The following CSMD2 variants were observed in gnomAD, a reference collection of about 807,000 sequenced individuals.
CSMD2 encodes the protein CUB and sushi domain-containing protein 2.
In CSMD2, 130 loss-of-function variants were observed where a neutral mutation model predicts 398.5. That is an observed-to-expected ratio of 0.33 (90% CI 0.28 to 0.38). CSMD2 has a LOEUF of 0.38. Among genes scored for constraint, CSMD2 ranks in the 10% least tolerant of loss-of-function variants. The pLI, the probability that CSMD2 is intolerant of heterozygous loss-of-function variation, is 1.00. For missense variants in CSMD2, 3,829 were observed against 4,764.9 expected (o/e 0.80, Z 5.78); for synonymous variants, 1,828 against 1,908.5 (o/e 0.96, Z 1.10).
intron 1 of CSMD2, among the ~76,000 whole-genome samples, chr1:34,146,800 G>T (rs974601129): frequency 2.6e-5 from 4 of 152,124 alleles, no homozygotes; most frequent in Non-Finnish European, 5.9e-5. Context: ...AAAGTTTCTG[G>T]GGGTGGGAGA....
At chr1:33,757,424 A>G (rs191932091) in intron 13 of CSMD2, among the ~76,000 whole-genome samples, 1 of 152,196 alleles carries the variant, frequency 6.6e-6, no homozygotes, top group African/African-American at 2.4e-5. Context: ...AAGGTTCCCC[A>G]AACTTGGTTC....
intron 2 of CSMD2, among the ~76,000 whole-genome samples, chr1:34,067,285 G>T (rs1228687192): frequency 6.6e-6 from 1 of 152,166 alleles, no homozygotes; most frequent in Non-Finnish European, 1.5e-5. Flanking sequence ...AGCATTATTT[G>T]CAAATGATAA....
At chr1:33,586,735 T>C (rs1639104525) in intron 45 of CSMD2, 118 bp from the exon 46 acceptor site, 1 of 672,058 alleles carries the variant, frequency 1.5e-6, no homozygotes, top group South Asian at 1.7e-5. Flanking sequence ...CTTAAATAAC[T>C]AGCTCAGCTC....
chr1:33,998,455 G>A (rs1646795492), intron 3 of CSMD2, among the ~76,000 whole-genome samples: 1 of 152,242 alleles, frequency 6.6e-6, no homozygotes, highest in South Asian at 2.1e-4. Flanking sequence ...CCAGTCTGTA[G>A]TAGGACCAGT....
intron 3 of CSMD2, among the ~76,000 whole-genome samples, chr1:33,951,948 C>G (rs559275266): frequency 6.6e-6 from 1 of 152,326 alleles, no homozygotes; most frequent in South Asian, 2.1e-4. Flanking sequence ...TCTGGCAAAT[C>G]CTTCTCAACC....
intron 15 of CSMD2, among the ~76,000 whole-genome samples, chr1:33,733,413 T>C (rs570127665): frequency 2.0e-4 from 30 of 152,338 alleles, no homozygotes; most frequent in Admixed American, 6.5e-4. Context: ...GACTCTCTCA[T>C]TCACTTAGCT....
intron 25 of CSMD2, among the ~76,000 whole-genome samples, chr1:33,686,430 C>G (rs1010812901): frequency 6.6e-6 from 1 of 152,184 alleles, no homozygotes; most frequent in African/African-American, 2.4e-5. Context: ...GCTCATCCAC[C>G]CCATTCTTGG....
chr1:33,965,607 A>G (rs1645529175), intron 3 of CSMD2, among the ~76,000 whole-genome samples: 2 of 152,188 alleles, frequency 1.3e-5, no homozygotes, highest in African/African-American at 4.8e-5. Context: ...TTGATATTAG[A>G]CATCTAGGCA....
At chr1:33,734,677 C>G (rs1034576811) in intron 15 of CSMD2, among the ~76,000 whole-genome samples, 1 of 151,150 alleles carries the variant, frequency 6.6e-6, no homozygotes, top group African/African-American at 2.4e-5. Context: ...CCCAGCTACT[C>G]GGGAGGCTGA....
chr1:33,877,150 C>T (rs1258077973), intron 5 of CSMD2, among the ~76,000 whole-genome samples: 2 of 152,226 alleles, frequency 1.3e-5, no homozygotes, highest in Non-Finnish European at 2.9e-5. Flanking sequence ...TGGGCCACAC[C>T]TGGCTGGTCT....
intron 55 of CSMD2, 87 bp downstream of exon 55, chr1:33,557,646 AC>A: frequency 4.4e-6 from 5 of 1,131,226 alleles, no homozygotes; most frequent in Non-Finnish European, 6.3e-6. Context: ...ACACACACAC[AC>A]ACACACACAC....
chr1:34,111,794 A>G (rs1661101444), intron 1 of CSMD2, among the ~76,000 whole-genome samples: 1 of 152,074 alleles, frequency 6.6e-6, no homozygotes, highest in Non-Finnish European at 1.5e-5. Flanking sequence ...AGGGAGAGAG[A>G]AAAAGATTTG....
chr1:34,152,263 A>G (rs1640396578), intron 1 of CSMD2, among the ~76,000 whole-genome samples: 1 of 152,048 alleles, frequency 6.6e-6, no homozygotes, highest in South Asian at 2.1e-4. Flanking sequence ...TTGACTGTTC[A>G]CTCAGCTGTT....
intron 68 of CSMD2, among the ~76,000 whole-genome samples, chr1:33,521,076 C>T (rs140328896): frequency 6.3e-4 from 96 of 152,308 alleles, no homozygotes; most frequent in African/African-American, 2.2e-3. Context: ...AGGGCAGAAA[C>T]GACATCACAG....
intron 19 of CSMD2, among the ~76,000 whole-genome samples, chr1:33,718,364 G>A (rs79998030): frequency 6.6e-5 from 10 of 152,346 alleles, no homozygotes; most frequent in South Asian, 2.1e-4. Context: ...GTGTAAGTGC[G>A]TGGCCATGCA....
intron 3 of CSMD2, among the ~76,000 whole-genome samples, chr1:34,016,914 T>C (rs182432722): frequency 6.6e-6 from 1 of 152,300 alleles, no homozygotes; most frequent in Admixed American, 6.5e-5. Context: ...GGCTATATTG[T>C]ATTTCACAGT....
chr1:34,131,595 T>A (rs562422467), intron 1 of CSMD2, among the ~76,000 whole-genome samples: 1 of 152,196 alleles, frequency 6.6e-6, no homozygotes, highest in East Asian at 1.9e-4. Context: ...CTGCAGGAAG[T>A]GGAGATCAGG....
At chr1:33,772,886 C>T (rs1356199063) in intron 12 of CSMD2, 135 bp from the exon 13 acceptor site, 8 of 699,844 alleles carry the variant, frequency 1.1e-5, no homozygotes, top group Admixed American at 8.7e-5. Flanking sequence ...TAGGATTCAA[C>T]GTTCTTATAA....
rs12082840 is a variant in CSMD2 at position 34,113,550 on chromosome 1, C to T, written c.188-24357G>A. On this transcript the variant is annotated intron_variant, in intron 1 of 70. Transcript: ENST00000373381. The stretch of plus-strand genomic sequence containing the variant: ...CCTTTATAATTGTAAATCCCTGGCG[C>T]CCCCTCATGGCCCTTACAGTCCTGT... Among the ~76,000 whole-genome samples the T allele has an allele frequency of 1.8e-3, 268 of 152,216 alleles. 1 individual carries two copies. Among genetic ancestry groups the T allele is most frequent in the African/African-American group, 6.1e-3 (252 of 41,538 alleles).
Sources: allele counts gnomAD v4.1 joint callset (sites outside exome capture counted in the v4.1 genomes callset), GRCh38; gene constraint gnomAD v4.1.1; transcripts MANE v1.5; gene names NCBI Gene and HGNC (gene_info 2026-07-23, HGNC 2026-07-21).